Variants in NRXN1 observed in about 807,000 individuals in gnomAD.
NRXN1 encodes the protein neurexin-1.
NRXN1 carries 39 observed loss-of-function variants against 150.9 expected under a neutral mutation model. The observed-to-expected ratio is 0.26, with a 90% CI of 0.20 to 0.34. The LOEUF is 0.34. Among genes scored for constraint, NRXN1 ranks in the 10% least tolerant of loss-of-function variants. The pLI, the probability that NRXN1 is intolerant of heterozygous loss-of-function variation, is 1.00. For synonymous variants in NRXN1, 924 were observed against 757.0 expected (o/e 1.22, Z -3.62); for missense variants, 1,815 against 1,949.9 (o/e 0.93, Z 1.30).
intron 17 of NRXN1, among the ~76,000 whole-genome samples, chr2:50,319,713 AC>A (rs2075872261): frequency 6.7e-6 from 1 of 149,436 alleles, no homozygotes; most frequent in South Asian, 2.1e-4. Flanking sequence ...ACAGTGGCAG[AC>A]AGTGGCACCG....
At chr2:50,005,812 T>C (rs567756697) in intron 21 of NRXN1, among the ~76,000 whole-genome samples, 1 of 152,324 alleles carries the variant, frequency 6.6e-6, no homozygotes, top group East Asian at 1.9e-4. Context: ...TCTTTGCTCA[T>C]GCTGAAGCCT....
chr2:50,084,972 A>G (rs76705685), intron 19 of NRXN1, among the ~76,000 whole-genome samples: 3,046 of 152,116 alleles, frequency 0.02, 112 homozygotes, highest in African/African-American at 0.071. Context: ...GAATAACCTC[A>G]AATTCCCAGC....
chr2:50,245,880 C>A (rs1223505926), intron 17 of NRXN1, among the ~76,000 whole-genome samples: 1 of 151,340 alleles, frequency 6.6e-6, no homozygotes, highest in Admixed American at 6.6e-5. Context: ...CAATGTCAAA[C>A]AGATGGGTGC....
intron 5 of NRXN1, among the ~76,000 whole-genome samples, chr2:50,723,341 T>A (rs1286648669): frequency 1.3e-5 from 2 of 152,212 alleles, no homozygotes; most frequent in Non-Finnish European, 2.9e-5. Context: ...TTTGAAGAAC[T>A]ATTATTCAAA....
intron 21 of NRXN1, among the ~76,000 whole-genome samples, chr2:50,000,307 A>C (rs914138381): frequency 1.3e-5 from 2 of 152,210 alleles, no homozygotes; most frequent in Non-Finnish European, 2.9e-5. Flanking sequence ...CAAAGCCCCA[A>C]TTTCCATTAA....
intron 5 of NRXN1, chr2:50,919,416 T>A (rs544834310): frequency 4.1e-4 from 63 of 151,900 alleles, no homozygotes; most frequent in African/African-American, 1.3e-3. Context: ...ACTGGACATT[T>A]AAACAGTTAG....
At chr2:50,875,114 A>T (rs1447129447) in intron 5 of NRXN1, among the ~76,000 whole-genome samples, 1 of 150,982 alleles carries the variant, frequency 6.6e-6, no homozygotes, top group African/African-American at 2.4e-5. Context: ...GTAGTATCAG[A>T]CTCTCCCCCA....
chr2:50,308,626 G>A (rs2152960691), intron 17 of NRXN1, among the ~76,000 whole-genome samples: 1 of 152,172 alleles, frequency 6.6e-6, no homozygotes, highest in Non-Finnish European at 1.5e-5. Context: ...GTCTTCAGGA[G>A]TACAGGCTTG....
At chr2:50,324,620 C>T (rs1575088127) in intron 17 of NRXN1, among the ~76,000 whole-genome samples, 1 of 152,358 alleles carries the variant, frequency 6.6e-6, no homozygotes, top group South Asian at 2.1e-4. Context: ...CGGCTCATTG[C>T]AAGCTCCGCC....
chr2:50,620,212 C>G (rs199556854), intron 7 of NRXN1, 29 bp from the exon 8 acceptor site: 2 of 1,610,182 alleles, frequency 1.2e-6, no homozygotes, highest in Admixed American at 1.7e-5. Flanking sequence ...GGAAAGGACA[C>G]GCTATACTCA....
intron 8 of NRXN1, among the ~76,000 whole-genome samples, chr2:50,607,585 T>C (rs1677343413): frequency 1.3e-5 from 2 of 152,126 alleles, no homozygotes; most frequent in African/African-American, 2.4e-5. Context: ...AATAATCTTA[T>C]ATAAACCATG....
chr2:50,538,643 C>T lies in NRXN1; in HGVS notation c.1760-7G>A. 1.4e-6 allele frequency: 2 copies of T among 1,475,746 alleles called. No homozygotes were observed. Among genetic ancestry groups the T allele is most frequent in the Non-Finnish European group, 1.8e-6 (2 of 1,110,576 alleles). 91.4% of individuals were successfully genotyped at this position (1,475,746 alleles called of 1,614,324 possible). Reference sequence around the variant, plus strand: ...GTGTTGACAGAAATGGTACCTATTTCAAAGAGAGGAGAATGCACAGGTCTT... The same window carrying T: ...GTGTTGACAGAAATGGTACCTATTTTAAAGAGAGGAGAATGCACAGGTCTT... On this transcript the variant is annotated splice_polypyrimidine_tract_variant and splice_region_variant and intron_variant, in intron 9 of 22. Coordinates refer to ENST00000401669, the MANE Select transcript of NRXN1 (RefSeq NM_001330078.2).
intron 18 of NRXN1, among the ~76,000 whole-genome samples, chr2:50,146,095 A>G (rs984697034): frequency 1.3e-5 from 2 of 151,700 alleles, no homozygotes; most frequent in Non-Finnish European, 3.0e-5. Context: ...CTGAAAACCT[A>G]GCTCTTTAAG....
At chr2:50,874,612 A>G (rs1345334391) in intron 5 of NRXN1, among the ~76,000 whole-genome samples, 1 of 151,862 alleles carries the variant, frequency 6.6e-6, no homozygotes, top group Admixed American at 6.6e-5. Context: ...TAGTAATAAA[A>G]GTAATAAAAC....
intron 5 of NRXN1, among the ~76,000 whole-genome samples, chr2:50,807,597 A>C (rs1282195113): frequency 6.6e-6 from 1 of 152,104 alleles, no homozygotes; most frequent in Non-Finnish European, 1.5e-5. Context: ...GAAGGGTAAA[A>C]CACAAATAAT....
chr2:50,654,121 C>T (rs1051318964), intron 5 of NRXN1, among the ~76,000 whole-genome samples: 1 of 148,772 alleles, frequency 6.7e-6, no homozygotes, highest in African/African-American at 2.5e-5. Flanking sequence ...TGTTGGTGTG[C>T]TGCACCCATT....
chr2:50,916,009 C>T (rs1685165107), intron 5 of NRXN1, among the ~76,000 whole-genome samples: 2 of 145,078 alleles, frequency 1.4e-5, no homozygotes, highest in Non-Finnish European at 3.0e-5. Context: ...AGTTTTACTC[C>T]CTCAAATGAA....
intron 21 of NRXN1, among the ~76,000 whole-genome samples, chr2:49,944,473 G>A (rs1672537493): frequency 6.6e-6 from 1 of 152,148 alleles, no homozygotes. Context: ...TTCAAAGTGG[G>A]GGAGGGGAAG....
At chr2:50,057,907 TG>T (rs1464742113) in intron 19 of NRXN1, among the ~76,000 whole-genome samples, 5 of 152,188 alleles carry the variant, frequency 3.3e-5, no homozygotes, top group Admixed American at 3.3e-4. Context: ...GTTCATTATT[TG>T]TTTAATAATA....
Sources: allele counts gnomAD v4.1 joint callset (sites outside exome capture counted in the v4.1 genomes callset), GRCh38; gene constraint gnomAD v4.1.1; transcripts MANE v1.5; gene names NCBI Gene and HGNC (gene_info 2026-07-23, HGNC 2026-07-21).